The following HIP1R variants were observed in gnomAD, a reference collection of about 807,000 sequenced individuals.
HIP1R encodes the protein huntingtin interacting protein 1 related.
A neutral mutation model predicts 144.2 loss-of-function variants in HIP1R; 135 were observed. The observed-to-expected ratio is 0.94, with a 90% CI of 0.81 to 1.08. The LOEUF is 1.08. HIP1R is among the 50% of genes least tolerant of loss of function. The pLI is 0.00. For missense variants in HIP1R, 1,462 were observed against 1,432.8 expected (o/e 1.02, Z -0.33); for synonymous variants, 698 against 612.8 (o/e 1.14, Z -2.05).
Position 122,840,269 on chromosome 12 carries a change from C to G in HIP1R, c.93+4626C>G, listed in dbSNP as rs1418386351. Among the ~76,000 whole-genome samples, 4 of 152,238 alleles carry G rather than the reference C, an allele frequency of 2.6e-5. No homozygotes were observed. The highest frequency in any genetic ancestry group is 5.9e-5 in the Non-Finnish European group (4 of 68,032). On this transcript the variant is annotated intron_variant, in intron 1 of 31. Transcript: ENST00000253083. The surrounding 1 kb of genome is among the most constrained non-coding windows in gnomAD (Gnocchi z 4.2). ...CTGATGTGTTTTGATGCCCATGACA[C>G]ATTCCTGAGCGCCGCTTGCTGTCTT...
chr12:122,854,321 G>C, intron 8 of HIP1R, 138 bp downstream of exon 8: 57 of 257,836 alleles, frequency 2.2e-4, no homozygotes, highest in East Asian at 5.2e-4. Flanking sequence ...CCCATTAATA[G>C]AAATAACATA....
rs1427638298 is a variant in HIP1R at position 122,859,418 on chromosome 12, C to G, written c.2296-8C>G. 2 of 1,610,720 alleles carry G rather than the reference C, an allele frequency of 1.2e-6. No homozygotes were observed. Among genetic ancestry groups the G allele is most frequent in the South Asian group, 2.2e-5 (2 of 91,004 alleles). ...AGGCTACCCCTGTCTGACTCCCATC[C>G]TCACCAGGAACTGAAACCCAAGAGC... On this transcript the variant is annotated splice_region_variant and splice_polypyrimidine_tract_variant and intron_variant, in intron 22 of 31. Coordinates refer to ENST00000253083, the MANE Select transcript of HIP1R (RefSeq NM_003959.3).
rs1189113678 is a variant in HIP1R, at chr12:122,855,074, A to G, written c.798A>G (p.Arg266=). The G allele has an allele frequency of 3.1e-6, 5 of 1,613,702 alleles. No homozygotes were observed. The highest frequency in any genetic ancestry group is 4.2e-6 in the Non-Finnish European group (5 of 1,180,008). ...GCAGCCTCAGGAACTTCTTCCGCAG[A>G]GCCTCCGACATGCTGTACTTCAAGC... ...QFHSLRNFFR[R]ASDMLYFKRL... The change falls in exon 10 of 32, where the codon AGA becomes AGG. Residue 266 remains arginine, a synonymous_variant. Coordinates refer to ENST00000253083, the MANE Select transcript of HIP1R (RefSeq NM_003959.3).
chr12:122,835,454 G>T (rs1163495285), upstream of HIP1R: 3 of 1,156,436 alleles, frequency 2.6e-6, no homozygotes, highest in South Asian at 3.7e-5. Context: ...GCCCGGGCGC[G>T]GCGCGGTGGC....
Position 122,850,877 on chromosome 12 carries a change from C to T in HIP1R, c.481C>T (p.Leu161=). ...PAGLEVTDEV[L]EKAAGTDVNN... is the part of the protein sequence containing the mutation. The stretch of plus-strand genomic sequence containing the variant: ...GGGCCTGGAGGTGACAGATGAGGTA[C>T]TGGAGAAGGCAGCTGGGACCGATGT... Residue 161 remains leucine, a synonymous_variant, in exon 6 of 32, where the codon CTG becomes TTG. Transcript: ENST00000253083. 2.5e-6 allele frequency: 4 copies of T among 1,611,156 alleles called. No individual in the cohort carries two copies. The highest frequency in any genetic ancestry group is 2.5e-6 in the Non-Finnish European group (3 of 1,179,118).
chr12:122,861,190 C>A lies in HIP1R; in HGVS notation c.2950C>A (p.Gln984Lys), dbSNP rs776423911. Residue 984 changes from glutamine (Q) to lysine (K), a missense_variant and splice_region_variant, in exon 30 of 32, where the codon CAG (glutamine) becomes AAG (lysine). Around this residue, in one of 2 missense-constraint regions of HIP1R, gnomAD observed 1,112 missense variants for 1,011.7 expected, o/e 1.10. Transcript: ENST00000253083. ...GCTGAAGAAGCAGGAGATGGAGACC[C>A]AGGTAGGCGCCCATGGCTGCCCCGT... ...IKLKKQEMET[Q>K]VRVLELEKTL... The A allele has an allele frequency of 1.1e-5, 17 of 1,552,768 alleles. No individual in the cohort carries two copies. The highest frequency in any genetic ancestry group is 1.5e-5 in the Non-Finnish European group (17 of 1,152,778).
chr12:122,835,616 C>G lies in HIP1R; in HGVS notation c.66C>G (p.Ala22=), dbSNP rs1367868621. The G allele has an allele frequency of 3.1e-6, 4 of 1,290,270 alleles. No individual in the cohort carries two copies. The South Asian group carries it at 7.5e-5, about 24-fold the overall frequency. 79.9% of individuals were successfully genotyped at this position (1,290,270 alleles called of 1,614,324 possible). ...LSRRPGHSLE[A]EREQFDKTQA... ...GCAGGCCGGGCCACAGCCTGGAGGCCGAGCGCGAGCAGTTCGACAAGACCC... is the reference window on the plus strand; with the variant it reads ...GCAGGCCGGGCCACAGCCTGGAGGCGGAGCGCGAGCAGTTCGACAAGACCC... Residue 22 remains alanine, a synonymous_variant, in exon 1 of 32, where the codon GCC becomes GCG. Coordinates refer to ENST00000253083, the MANE Select transcript of HIP1R (RefSeq NM_003959.3).
intron 24 of HIP1R, 88 bp from the exon 25 acceptor site, chr12:122,859,959 T>C (rs542666475): frequency 6.8e-7 from 1 of 1,470,530 alleles, no homozygotes; most frequent in Admixed American, 2.1e-5. Context: ...CCTCCCCACC[T>C]GCTGAGCCCT....
rs767159723 is a variant in HIP1R at position 122,860,209 on chromosome 12, G to A, written c.2558G>A (p.Arg853Lys). Residue 853 changes from arginine to lysine, a missense_variant and splice_region_variant, in exon 26 of 32, where the codon AGG becomes AAG. Transcript: ENST00000253083. ...CAGAAGGAGATCGTGGAGAGCGGCA[G>A]GGTGAGGGGCCGGCGGCAGCAGGGC... is the stretch of plus-strand genomic sequence containing the variant. ...SLQKEIVESG[R>K]GAATQQEFYA... 3 of 1,559,328 alleles carry A rather than the reference G, an allele frequency of 1.9e-6. 1 individual carries two copies. In the South Asian group the frequency reaches 3.5e-5, roughly 18 times the overall value.
chr12:122,859,930 TG>T, intron 24 of HIP1R, 100 bp downstream of exon 24: 1 of 1,472,808 alleles, frequency 6.8e-7, no homozygotes, highest in Non-Finnish European at 9.2e-7. Context: ...AAGGAAGGCC[TG>T]GCTCAGAGCA....
intron 6 of HIP1R, 124 bp from the exon 7 acceptor site, chr12:122,851,112 G>A: frequency 1.1e-6 from 1 of 928,546 alleles, no homozygotes; most frequent in South Asian, 1.7e-5. Context: ...CCTGGCAGAG[G>A]CACGCTGTCT....
chr12:122,859,875 C>T, intron 24 of HIP1R, 45 bp downstream of exon 24: 1 of 1,576,426 alleles, frequency 6.3e-7, no homozygotes, highest in Non-Finnish European at 8.7e-7. Flanking sequence ...AGGTGGGCTC[C>T]CCGTGGCCCC....
chr12:122,843,717 G>A (rs959724006), intron 1 of HIP1R, among the ~76,000 whole-genome samples: 4 of 152,158 alleles, frequency 2.6e-5, no homozygotes, highest in Non-Finnish European at 5.9e-5. Context: ...AGGATTTTTC[G>A]AGACCCGAAA....
chr12:122,853,267 G>A (rs1040420006), intron 7 of HIP1R, among the ~76,000 whole-genome samples: 8 of 125,626 alleles, frequency 6.4e-5, no homozygotes, highest in African/African-American at 2.5e-4. Context: ...CAGGGGAGAC[G>A]GGCCCTGGGG....
At chr12:122,856,999 T>G in intron 17 of HIP1R, 22 bp from the exon 18 acceptor site, 1 of 1,546,756 alleles carries the variant, frequency 6.5e-7, no homozygotes, top group Non-Finnish European at 8.7e-7. Context: ...TTCACATGCC[T>G]GGTGTCCATG....
At position 122,855,382 on chromosome 12, in the gene HIP1R, G is replaced by C. The variant is rs2033534866; in HGVS notation, c.970G>C (p.Gly324Arg). 1.9e-6 allele frequency: 3 copies of C among 1,581,892 alleles called. No homozygotes were observed. The highest frequency in any genetic ancestry group is 2.6e-6 in the Non-Finnish European group (3 of 1,165,476). Residue 324 changes from glycine to arginine, a missense_variant, in exon 11 of 32, where the codon GGG becomes CGG. By Grantham distance (125) the Gly-to-Arg change is moderately radical. Transcript: ENST00000253083. ...GGAGAATCTCATTGAGATCAGCACAGGGCCCCCCGCGGGGGAGCCAGTGGT... is the reference window on the plus strand; with the variant it reads ...GGAGAATCTCATTGAGATCAGCACACGGCCCCCCGCGGGGGAGCCAGTGGT... ...EPENLIEISTGPPAGEPVVVA... is the reference protein window; with the variant it reads ...EPENLIEISTRPPAGEPVVVA...
At chr12:122,853,998 C>G in intron 7 of HIP1R, 45 bp from the exon 8 acceptor site, 1 of 1,593,656 alleles carries the variant, frequency 6.3e-7, no homozygotes, top group Non-Finnish European at 8.6e-7. Context: ...ACAGGTTGCC[C>G]AGCTCCCAAG....
intron 16 of HIP1R, 24 bp downstream of exon 16, chr12:122,856,572 C>T: frequency 6.3e-7 from 1 of 1,598,520 alleles, no homozygotes. Flanking sequence ...GGCACAGGGC[C>T]CTGCCCCGGC....
At chr12:122,849,199 A>G (rs1255605832) in intron 4 of HIP1R, among the ~76,000 whole-genome samples, 1 of 152,262 alleles carries the variant, frequency 6.6e-6, no homozygotes, top group Non-Finnish European at 1.5e-5. Flanking sequence ...CTGAAGAATC[A>G]GGACTGGAGG....
Sources: allele counts gnomAD v4.1 joint callset (sites outside exome capture counted in the v4.1 genomes callset), GRCh38; gene constraint gnomAD v4.1.1; regional missense constraint gnomAD v4.1.1; non-coding constraint Gnocchi (gnomAD v3.1); transcripts MANE v1.5; gene names NCBI Gene and HGNC (gene_info 2026-07-23, HGNC 2026-07-21).